Variants in FANCI observed in about 807,000 individuals in gnomAD.
FANCI encodes Fanconi anemia group I protein.
Under a neutral mutation model 176.1 loss-of-function variants are expected in FANCI, and 156 were observed. That is an observed-to-expected ratio of 0.89 (90% CI 0.78 to 1.01). The LOEUF (loss-of-function observed/expected upper bound fraction) is 1.01. Among genes scored for constraint, FANCI ranks in the 50% least tolerant of loss-of-function variants. The pLI is 0.00. For synonymous variants in FANCI, 613 were observed against 541.7 expected (o/e 1.13, Z -1.83); for missense variants, 1,678 against 1,534.1 (o/e 1.09, Z -1.57).
At chr15:89,268,270 T>C in intron 9 of FANCI, 129 bp from the exon 10 acceptor site, 2 of 972,524 alleles carry the variant, frequency 2.1e-6, no homozygotes, top group South Asian at 2.6e-5. Context: ...TTTTTTTGTA[T>C]TTTTAGTAGA....
rs375642371 is a variant in FANCI, at chr15:89,307,657, C to T, written c.3636C>T (p.Phe1212=). 2 of 1,614,136 alleles carry T rather than the reference C, an allele frequency of 1.2e-6. No homozygotes were observed. The highest frequency in any genetic ancestry group is 4.5e-5 in the East Asian group (2 of 44,882). The change falls in exon 34 of 38, where the codon TTC becomes TTT. Residue 1212 remains phenylalanine, a synonymous_variant. Transcript: ENST00000310775. ...ATCTGACCCCCCTGTGTTATTCTTT[C>T]ATTTCTTACGTACAGGTAAGAGATT... is the stretch of plus-strand genomic sequence containing the variant. The part of the protein sequence containing the change: ...GSHLTPLCYS[F]ISYVQNKSKS...
Position 89,273,511 on chromosome 15 carries a change from T to C in FANCI, c.975+42T>C, listed in dbSNP as rs16942922. On this transcript the variant is annotated intron_variant, in intron 11 of 37. Transcript: ENST00000310775. ...CCATTTTGTTTCTTTCTGTAGTTGG[T>C]AAAAAAAAAAAAAAAAAAAAAAAAT... 749 of 476,716 alleles carry C rather than the reference T, an allele frequency of 1.6e-3. 15 individuals are homozygous for C. In the African/African-American group the frequency reaches 0.018, roughly 11 times the overall value. The allele number at this position is 476,716 out of a possible 1,614,324, so 29.5% of individuals were successfully genotyped here. A position where few individuals can be genotyped will look rare whatever the true frequency, so the allele number is the denominator to read the frequency against.
chr15:89,246,117 AAC>A (rs1175054893), intron 1 of FANCI, among the ~76,000 whole-genome samples: 3 of 152,322 alleles, frequency 2.0e-5, no homozygotes, highest in African/African-American at 7.2e-5. Context: ...GGAGACGGGA[AAC>A]ACAGGAGGAA....
In FANCI at chr15:89,307,500, G is replaced by A. The variant is rs772739034; in HGVS notation, c.3562G>A (p.Gly1188Arg). 15 of 1,614,030 alleles carry A rather than the reference G, an allele frequency of 9.3e-6. No individual in the cohort carries two copies. The highest frequency in any genetic ancestry group is 4.5e-5 in the East Asian group (2 of 44,900). Reference protein sequence around the residue: ...RYYLQVCQSSGGIPKNMEKLV... With the variant: ...RYYLQVCQSSRGIPKNMEKLV... ...GTATCTCCAGGTGTGTCAGAGCTCCGGAGGAATTCCAAAAAATATGGAAAA... is the reference window on the plus strand; with the variant it reads ...GTATCTCCAGGTGTGTCAGAGCTCCAGAGGAATTCCAAAAAATATGGAAAA... Residue 1188 changes from glycine (G) to arginine (R), a missense_variant, in exon 33 of 38, where the codon GGA becomes AGA. Transcript: ENST00000310775.
chr15:89,279,634 C>T lies in FANCI; in HGVS notation c.1381+860C>T, dbSNP rs374212981. On this transcript the variant is annotated intron_variant, in intron 14 of 37. Coordinates refer to ENST00000310775, the MANE Select transcript of FANCI (RefSeq NM_001113378.2). The stretch of plus-strand genomic sequence containing the variant: ...CTTTTCCTGCCTGTGACCAGTTTTC[C>T]TTTTACCTCAAATATAATACAGTTC... Among the ~76,000 whole-genome samples, 15 of 152,238 alleles carry T rather than the reference C, an allele frequency of 9.9e-5. No individual in the cohort carries two copies. In the East Asian group the frequency reaches 2.3e-3, roughly 23 times the overall value.
chr15:89,296,652 C>CT (rs1288403968), intron 24 of FANCI, among the ~76,000 whole-genome samples: 1 of 152,148 alleles, frequency 6.6e-6, no homozygotes, highest in African/African-American at 2.4e-5. Context: ...CCTTTCCCCC[C>CT]TTTCTATTCC....
intron 34 of FANCI, among the ~76,000 whole-genome samples, chr15:89,311,881 C>T (rs917037666): frequency 7.2e-5 from 11 of 152,148 alleles, no homozygotes; most frequent in African/African-American, 2.7e-4. Context: ...ATTTCTGTAC[C>T]GTACCTTACA....
rs1390663546 is a variant in FANCI, at chr15:89,264,003, C to G, written c.646C>G (p.Gln216Glu). 1.2e-6 allele frequency: 2 copies of G among 1,614,094 alleles called. No individual in the cohort carries two copies. The highest frequency in any genetic ancestry group is 8.5e-7 in the Non-Finnish European group (1 of 1,179,956). Residue 216 changes from glutamine to glutamate, a missense_variant, in exon 8 of 38, where the codon CAG (glutamine) becomes GAG (glutamate). Gln to Glu is a conservative substitution (Grantham distance 29). Around this residue, in one of 3 missense-constraint regions of FANCI, gnomAD observed 469 missense variants for 436.9 expected, o/e 1.07. Coordinates refer to ENST00000310775, the MANE Select transcript of FANCI (RefSeq NM_001113378.2). ...TCAAGAAATACCACCTTTGGTCTAT[C>G]AGCTTCTGGTTCTCTCCTCCAAGGT... is the stretch of plus-strand genomic sequence containing the variant. ...NLQEIPPLVY[Q>E]LLVLSSKGSR... is the part of the protein sequence containing the mutation.
chr15:89,270,805 C>G (rs544381980), intron 10 of FANCI, among the ~76,000 whole-genome samples: 20 of 152,274 alleles, frequency 1.3e-4, no homozygotes, highest in African/African-American at 4.8e-4. Context: ...CCCATTTAGT[C>G]TTTGAGCTTG....
At chr15:89,287,179 T>C (rs2053852698) in intron 18 of FANCI, among the ~76,000 whole-genome samples, 2 of 152,126 alleles carry the variant, frequency 1.3e-5, no homozygotes, top group South Asian at 4.1e-4. Context: ...TTCACCATGT[T>C]GGCCAGGATG....
At chr15:89,267,325 A>AC (rs1408659342) in intron 9 of FANCI, among the ~76,000 whole-genome samples, 44 of 148,690 alleles carry the variant, frequency 3.0e-4, no homozygotes, top group African/African-American at 1.1e-3. Context: ...TGTCTCAAAA[A>AC]AAAAAAATTT....
chr15:89,274,713 T>A lies in FANCI; in HGVS notation c.1112+409T>A, dbSNP rs567692553. 4.3e-5 allele frequency among the ~76,000 whole-genome samples: 6 copies of A among 140,948 alleles called. No homozygotes were observed. The South Asian group carries it at 1.5e-3, about 36-fold the overall frequency. The allele number at this position is 140,948 out of a possible 152,430, so 92.5% of individuals were successfully genotyped here. On this transcript the variant is annotated intron_variant, in intron 12 of 37. Transcript: ENST00000310775. ...TTGACCTCCTGGGCTCAAGCAATCC[T>A]CCCACCTGAACCTCTCGAGTACCTG...
intron 25 of FANCI, 56 bp downstream of exon 25, chr15:89,300,022 C>T (rs942360115): frequency 1.3e-6 from 2 of 1,579,902 alleles, no homozygotes; most frequent in Admixed American, 1.7e-5. Context: ...TTAGCTCAAC[C>T]CCTTAATTCC....
At chr15:89,251,126 G>A (rs768786555) in intron 2 of FANCI, among the ~76,000 whole-genome samples, 17 of 152,182 alleles carry the variant, frequency 1.1e-4, no homozygotes, top group South Asian at 2.1e-4. Flanking sequence ...TGACAAGGGA[G>A]AAATACTGTT....
chr15:89,305,534 G>T, intron 30 of FANCI, 71 bp from the exon 31 acceptor site: 1 of 1,596,310 alleles, frequency 6.3e-7, no homozygotes, highest in Non-Finnish European at 8.6e-7. Context: ...TAGGTGGCCA[G>T]GTGACCACAG....
rs560251275 is a variant in FANCI at position 89,299,730 on chromosome 15, A to G, written c.2637-70A>G. On this transcript the variant is annotated intron_variant, in intron 24 of 37. Transcript: ENST00000310775. ...TAGAACTGTTCACCTACAGGGTAAG[A>G]ATTTTACTGTTTGTTATTTTATCTC... 2.0e-6 allele frequency: 3 copies of G among 1,517,932 alleles called. No homozygotes were observed. The African/African-American group carries it at 4.1e-5, about 21-fold the overall frequency. 94.0% of individuals were successfully genotyped at this position (1,517,932 alleles called of 1,614,324 possible).
chr15:89,316,383 C>A lies in FANCI; in HGVS notation c.3925-14C>A. 6.2e-7 allele frequency: 1 copy of A among 1,606,518 alleles called. No individual in the cohort carries two copies. The highest frequency in any genetic ancestry group is 8.5e-7 in the Non-Finnish European group (1 of 1,175,746). On this transcript the variant is annotated splice_polypyrimidine_tract_variant and intron_variant, in intron 37 of 37. Coordinates refer to ENST00000310775, the MANE Select transcript of FANCI (RefSeq NM_001113378.2). Reference sequence around the variant, plus strand: ...GGTTTATCACGTTAGAGCATTAATTCTTTCCCCTTCTAGGGCACTGCATCA... The same window carrying A: ...GGTTTATCACGTTAGAGCATTAATTATTTCCCCTTCTAGGGCACTGCATCA...
chr15:89,252,394 A>G (rs527628202), intron 2 of FANCI, among the ~76,000 whole-genome samples: 5 of 152,358 alleles, frequency 3.3e-5, no homozygotes, highest in East Asian at 3.9e-4. Flanking sequence ...AAAACCATCT[A>G]TAAACGAATT....
At chr15:89,262,319 A>T (rs2052746947) in intron 6 of FANCI, among the ~76,000 whole-genome samples, 2 of 151,732 alleles carry the variant, frequency 1.3e-5, no homozygotes, top group East Asian at 1.9e-4. Context: ...TATTTCTGGG[A>T]ATCTACATTA....
Sources: allele counts gnomAD v4.1 joint callset (sites outside exome capture counted in the v4.1 genomes callset), GRCh38; gene constraint gnomAD v4.1.1; regional missense constraint gnomAD v4.1.1; transcripts MANE v1.5; gene names NCBI Gene and HGNC (gene_info 2026-07-23, HGNC 2026-07-21).